TMEM131: variants seen among roughly 807,000 people sequenced by gnomAD.
The protein encoded by TMEM131 is transmembrane protein 131, also known as 2610524E03Rik.
TMEM131 carries 66 observed loss-of-function variants against 211.6 expected under a neutral mutation model. The observed-to-expected ratio is 0.31, with a 90% CI of 0.26 to 0.38. The LOEUF is 0.38. TMEM131 is among the 10% of genes least tolerant of loss of function. TMEM131 has a pLI of 1.00. For synonymous variants in TMEM131, 844 were observed against 841.3 expected, an observed-to-expected ratio of 1.00 and a Z score of -0.06; for missense variants, 2,036 against 2,299.3, an observed-to-expected ratio of 0.89 and a Z score of 2.34.
At chr2:97,871,823 C>T (rs1674499742) in intron 4 of TMEM131, among the ~76,000 whole-genome samples, 1 of 152,248 alleles carries the variant, frequency 6.6e-6, no homozygotes, top group East Asian at 1.9e-4. Context: ...ATTGCAATAC[C>T]ATGGTCTCAG....
Position 97,796,875 on chromosome 2 carries a change from G to A in TMEM131, c.2982C>T (p.Ile994=), listed in dbSNP as rs1680793114. 6.2e-7 allele frequency: 1 copy of A among 1,613,942 alleles called. No individual in the cohort carries two copies. The highest frequency in any genetic ancestry group is 8.5e-7 in the Non-Finnish European group (1 of 1,179,846). Residue 994 remains isoleucine (I), a synonymous_variant, in exon 27 of 41, where the codon ATC becomes ATT. Transcript: ENST00000186436. ...TACAATCTTTTAACAATGCTTCCGT[G>A]ATTTTAAAGCGTAAGGAGCTTCCTG... is the stretch of plus-strand genomic sequence containing the variant. ...PGPGSSLRFK[I]TEALLKDCTD...
chr2:97,822,482 T>C (rs1440304787), intron 11 of TMEM131, among the ~76,000 whole-genome samples: 3 of 152,190 alleles, frequency 2.0e-5, no homozygotes, highest in Non-Finnish European at 1.5e-5. Context: ...AACATCTTTA[T>C]AGGATGGGGT....
Position 97,802,781 on chromosome 2 carries a change from A to T in TMEM131, c.2412T>A (p.Ala804=). ...IKENSGHRLS[A]IFEVNTDLQK... ...GAAGGTCTGTATTTACTTCAAATAT[A>T]GCACTCAATCTAGAAAAACAATTTG... The change falls in exon 23 of 41, where the codon GCT becomes GCA. Residue 804 remains alanine (A), a synonymous_variant. Coordinates refer to ENST00000186436, the MANE Select transcript of TMEM131 (RefSeq NM_015348.2). 1 of 1,553,748 alleles carries T rather than the reference A, an allele frequency of 6.4e-7. No homozygotes were observed.
At chr2:97,839,312 AAACC>A (rs56114114) in intron 7 of TMEM131, among the ~76,000 whole-genome samples, 41,589 of 148,306 alleles carry the variant, frequency 0.28, 6,848 homozygotes, top group South Asian at 0.37. Flanking sequence ...GGTGTCTGGA[AAACC>A]AACCAACCAA....
intron 1 of TMEM131, among the ~76,000 whole-genome samples, chr2:97,936,325 G>A (rs184459505): frequency 5.3e-5 from 8 of 152,318 alleles, no homozygotes; most frequent in Non-Finnish European, 1.0e-4. Context: ...TCCTGTGTAC[G>A]CATCGGGCTC....
chr2:97,864,821 T>C (rs1440421138), intron 4 of TMEM131, among the ~76,000 whole-genome samples: 1 of 152,216 alleles, frequency 6.6e-6, no homozygotes, highest in South Asian at 2.1e-4. Context: ...TTCCGAACTT[T>C]ATTATTCTCC....
chr2:97,869,040 C>A (rs149493179), intron 4 of TMEM131, among the ~76,000 whole-genome samples: 203 of 152,300 alleles, frequency 1.3e-3, no homozygotes, highest in African/African-American at 4.8e-3. Flanking sequence ...TAGAAAACAA[C>A]AGCGCACAGA....
chr2:97,842,697 A>G (rs1683253879), intron 6 of TMEM131, among the ~76,000 whole-genome samples: 1 of 152,174 alleles, frequency 6.6e-6, no homozygotes. Context: ...GTGAAGAGGT[A>G]AAGAAAGAAG....
chr2:97,968,924 GA>G (rs11337427), intron 1 of TMEM131, among the ~76,000 whole-genome samples: 112,563 of 150,028 alleles, frequency 0.75, 43,711 homozygotes, highest in African/African-American at 0.87. Flanking sequence ...CTCTACTAAA[GA>G]AAAAAAAAAA....
intron 5 of TMEM131, among the ~76,000 whole-genome samples, chr2:97,848,512 C>G (rs1683550631): frequency 6.6e-6 from 1 of 152,146 alleles, no homozygotes; most frequent in African/African-American, 2.4e-5. Flanking sequence ...TAAATAATCT[C>G]TACATTACTT....
rs540673232 is a variant in TMEM131, at chr2:97,836,436, G to T, written c.804+641C>A. On this transcript the variant is annotated intron_variant, in intron 8 of 40. Coordinates refer to ENST00000186436, the MANE Select transcript of TMEM131 (RefSeq NM_015348.2). ...ATATGGAACTGAATTGACCACAATT[G>T]CCTTCTCCCTCTTGAATTAAAGCAT... is the stretch of plus-strand genomic sequence containing the variant. 4.6e-5 allele frequency among the ~76,000 whole-genome samples: 7 copies of T among 152,276 alleles called. No individual in the cohort carries two copies. In the South Asian group the frequency reaches 1.5e-3, roughly 32 times the overall value.
chr2:97,758,959 C>T lies in TMEM131; in HGVS notation c.5301G>A (p.Glu1767=), dbSNP rs373167479. The part of the protein sequence containing the change: ...EFNSGPSYLW[E]SPATDPSPSW... ...AAGGACTGGGATCTGTCGCTGGCGA[C>T]TCCCAAAGGTATGAAGGGCCACTAT... The change falls in exon 40 of 41, where the codon GAG becomes GAA. Residue 1767 remains glutamate, a synonymous_variant. Transcript: ENST00000186436. 250 of 1,614,068 alleles carry T rather than the reference C, an allele frequency of 1.5e-4. No individual in the cohort carries two copies. The Middle Eastern group carries it at 4.3e-3, about 28-fold the overall frequency.
At chr2:97,980,442 T>C (rs1232177709) in intron 1 of TMEM131, among the ~76,000 whole-genome samples, 2 of 152,184 alleles carry the variant, frequency 1.3e-5, no homozygotes, top group African/African-American at 2.4e-5. Context: ...CTGGCAAGCA[T>C]ATGGAGGAAA....
At chr2:97,918,894 A>G (rs1371331316) in intron 2 of TMEM131, among the ~76,000 whole-genome samples, 1 of 152,200 alleles carries the variant, frequency 6.6e-6, no homozygotes, top group African/African-American at 2.4e-5. Context: ...TTGCAGTTAC[A>G]TGTGATTTCA....
intron 2 of TMEM131, among the ~76,000 whole-genome samples, chr2:97,922,619 A>T (rs2104423924): frequency 1.3e-5 from 2 of 152,332 alleles, no homozygotes; most frequent in Admixed American, 1.3e-4. Flanking sequence ...GGAGCCAGAA[A>T]AAAAAAATAC....
intron 4 of TMEM131, among the ~76,000 whole-genome samples, chr2:97,870,302 T>C (rs1275715189): frequency 6.6e-6 from 1 of 152,194 alleles, no homozygotes; most frequent in East Asian, 1.9e-4. Flanking sequence ...AATTCTGGTC[T>C]ATCTTAGAAT....
intron 22 of TMEM131, among the ~76,000 whole-genome samples, chr2:97,804,421 T>C (rs530849708): frequency 1.3e-5 from 2 of 151,886 alleles, no homozygotes; most frequent in East Asian, 1.9e-4. Context: ...TCTCAGCACT[T>C]TGGGAGGCTG....
chr2:97,814,534 T>C (rs1196432299), intron 13 of TMEM131, 146 bp from the exon 14 acceptor site: 4 of 848,486 alleles, frequency 4.7e-6, no homozygotes, highest in Non-Finnish European at 6.7e-6. Context: ...TTTTAGTGAT[T>C]GACTATATGA....
chr2:97,797,310 G>A (rs1013957185), intron 26 of TMEM131, 55 bp downstream of exon 26: 6 of 1,453,028 alleles, frequency 4.1e-6, no homozygotes, highest in Middle Eastern at 2.6e-4. Context: ...TAAAACAAGT[G>A]AGGACTTCTA....
Sources: allele counts gnomAD v4.1 joint callset (sites outside exome capture counted in the v4.1 genomes callset), GRCh38; gene constraint gnomAD v4.1.1; transcripts MANE v1.5; gene names NCBI Gene and HGNC (gene_info 2026-07-23, HGNC 2026-07-21).